CFAP20DC: variants seen among roughly 807,000 people sequenced by gnomAD.
The protein encoded by CFAP20DC is protein CFAP20DC.
Under a neutral mutation model 101.7 loss-of-function variants are expected in CFAP20DC, and 84 were observed. The ratio of observed to expected loss-of-function variants is 0.83; its 90% CI spans 0.69 to 0.99. CFAP20DC has a LOEUF of 0.99. Among genes scored for constraint, CFAP20DC ranks in the 50% least tolerant of loss-of-function variants. CFAP20DC has a pLI of 0.00. For missense variants in CFAP20DC, 1,007 were observed against 970.3 expected (o/e 1.04, Z -0.50); for synonymous variants, 359 against 351.2 (o/e 1.02, Z -0.25).
chr3:58,734,478 C>A, intron 3 of CFAP20DC: 1 of 453,416 alleles, frequency 2.2e-6, no homozygotes, highest in Non-Finnish European at 4.4e-6. Flanking sequence ...TTACCATGTG[C>A]TAAGTGCTTT....
chr3:58,849,809 A>G (rs2078063366), intron 12 of CFAP20DC, among the ~76,000 whole-genome samples: 1 of 152,150 alleles, frequency 6.6e-6, no homozygotes, highest in African/African-American at 2.4e-5. Context: ...AAACAACTAA[A>G]ACTTATGGTA....
downstream of CFAP20DC, among the ~76,000 whole-genome samples, chr3:58,716,285 C>G (rs1421478140): frequency 1.3e-5 from 2 of 151,340 alleles, no homozygotes; most frequent in Non-Finnish European, 3.0e-5. Context: ...CCTCAGCCTC[C>G]CGAGTAGCTG....
At chr3:58,860,181 A>C (rs1050765617) in intron 12 of CFAP20DC, among the ~76,000 whole-genome samples, 3 of 150,964 alleles carry the variant, frequency 2.0e-5, no homozygotes, top group Non-Finnish European at 3.0e-5. Context: ...ATCTCAAAAA[A>C]AAAAAAAAAA....
At chr3:58,891,570 C>CT (rs938201189) in intron 6 of CFAP20DC, among the ~76,000 whole-genome samples, 23 of 152,172 alleles carry the variant, frequency 1.5e-4, no homozygotes, top group African/African-American at 5.5e-4. Flanking sequence ...TGATACTGAG[C>CT]TTTTTTTCAT....
intron 15 of CFAP20DC, among the ~76,000 whole-genome samples, chr3:58,805,663 T>C (rs1339316170): frequency 6.6e-6 from 1 of 152,186 alleles, no homozygotes; most frequent in Non-Finnish European, 1.5e-5. Flanking sequence ...TTTTCAATAA[T>C]TTCCTAATAT....
At chr3:58,767,857 T>C (rs546104600) in intron 15 of CFAP20DC, among the ~76,000 whole-genome samples, 1 of 152,374 alleles carries the variant, frequency 6.6e-6, no homozygotes, top group Non-Finnish European at 1.5e-5. Flanking sequence ...TAATCTATGC[T>C]TGATTACCAT....
At chr3:58,719,621 G>A (rs945248999) in intron 3 of CFAP20DC, among the ~76,000 whole-genome samples, 1 of 152,200 alleles carries the variant, frequency 6.6e-6, no homozygotes, top group Non-Finnish European at 1.5e-5. Flanking sequence ...GGCTGGGCTT[G>A]ATGAACTTGT....
At chr3:58,888,714 C>T (rs2081882003) in intron 6 of CFAP20DC, among the ~76,000 whole-genome samples, 1 of 152,186 alleles carries the variant, frequency 6.6e-6, no homozygotes, top group Admixed American at 6.5e-5. Context: ...GCTCCATGTC[C>T]CTGCAAAGGA....
At chr3:58,720,426 C>T (rs1317672079) in intron 3 of CFAP20DC, among the ~76,000 whole-genome samples, 2 of 152,158 alleles carry the variant, frequency 1.3e-5, no homozygotes. Flanking sequence ...AACATGGTGA[C>T]TCTGAGGACC....
At chr3:58,720,420 T>C (rs1286647687) in intron 3 of CFAP20DC, among the ~76,000 whole-genome samples, 3 of 152,204 alleles carry the variant, frequency 2.0e-5, no homozygotes, top group Admixed American at 1.3e-4. Context: ...TGATATAACA[T>C]GGTGACTCTG....
At chr3:58,984,265 TC>T (rs1369978435) in intron 4 of CFAP20DC, among the ~76,000 whole-genome samples, 1 of 152,242 alleles carries the variant, frequency 6.6e-6, no homozygotes, top group Non-Finnish European at 1.5e-5. Context: ...GCTTCCTATT[TC>T]TTTGTTGTGA....
intron 16 of CFAP20DC, among the ~76,000 whole-genome samples, chr3:58,752,085 A>G (rs1035839700): frequency 1.3e-5 from 2 of 152,292 alleles, no homozygotes; most frequent in African/African-American, 2.4e-5. Context: ...ACACTATCTC[A>G]GCATACTGGT....
intron 4 of CFAP20DC, among the ~76,000 whole-genome samples, chr3:58,998,473 T>C (rs547530189): frequency 6.6e-6 from 1 of 152,298 alleles, no homozygotes; most frequent in East Asian, 1.9e-4. Flanking sequence ...ACAAAACAAC[T>C]GATGCTTTAC....
chr3:58,838,477 G>A (rs1033821919), intron 13 of CFAP20DC, among the ~76,000 whole-genome samples: 2 of 152,188 alleles, frequency 1.3e-5, no homozygotes, highest in African/African-American at 4.8e-5. Flanking sequence ...GTCTCAGGTA[G>A]AAGATTCTTG....
intron 6 of CFAP20DC, among the ~76,000 whole-genome samples, chr3:58,910,698 C>T (rs141881719): frequency 0.011 from 1,598 of 152,110 alleles, 34 homozygotes; most frequent in African/African-American, 0.037. Flanking sequence ...TTTCTGGAAT[C>T]CTTTTACTCT....
intron 13 of CFAP20DC, among the ~76,000 whole-genome samples, chr3:58,841,134 A>G (rs916778937): frequency 2.0e-5 from 3 of 152,238 alleles, no homozygotes; most frequent in African/African-American, 7.2e-5. Flanking sequence ...CCCTAAGTGA[A>G]CCTGCACAGT....
In CFAP20DC at chr3:58,849,241, C is replaced by T. The variant is rs1412991801; in HGVS notation, c.1762G>A (p.Glu588Lys). ...GATESQDSSM[E>K]QIDRNNFEMS... ...TCAAAGTTATTTCTATCTATTTGCT[C>T]CATCGAGGAATCCTGGCTTTCTGTT... Residue 588 changes from glutamate (E) to lysine (K), a missense_variant, in exon 13 of 17, where the codon GAG (glutamate) becomes AAG (lysine). Coordinates refer to ENST00000482387, the MANE Select transcript of CFAP20DC (RefSeq NM_001394063.1). 1.3e-6 allele frequency: 2 copies of T among 1,536,044 alleles called. No individual in the cohort carries two copies. Among genetic ancestry groups the T allele is most frequent in the Admixed American group, 2.0e-5 (1 of 50,992 alleles).
intron 14 of CFAP20DC, among the ~76,000 whole-genome samples, chr3:58,823,167 A>G (rs2075807196): frequency 1.3e-5 from 2 of 152,056 alleles, no homozygotes; most frequent in African/African-American, 4.8e-5. Flanking sequence ...ACATGAAATA[A>G]ATTTGTATGT....
rs1443656935 is a variant in CFAP20DC, at chr3:58,859,072, C to T, written c.1593+4486G>A. Among the ~76,000 whole-genome samples, 1 of 150,786 alleles carries T rather than the reference C, an allele frequency of 6.6e-6. No individual in the cohort carries two copies. Among genetic ancestry groups the T allele is most frequent in the Non-Finnish European group, 1.5e-5 (1 of 67,808 alleles). On this transcript the variant is annotated intron_variant, in intron 12 of 16. Coordinates refer to ENST00000482387, the MANE Select transcript of CFAP20DC (RefSeq NM_001394063.1). This position sits in a 1 kb window ranked among gnomAD's most constrained non-coding sequence, Gnocchi z 4.1. The stretch of plus-strand genomic sequence containing the variant: ...AATGATGAAAGTAATACAATTTCCT[C>T]TGGGTGACAAAGATAAGTGATAGTT...
Sources: gnomAD v4.1 joint callset for allele counts (sites outside exome capture counted in the v4.1 genomes callset) on GRCh38, gnomAD v4.1.1 for gene constraint, Gnocchi (gnomAD v3.1) non-coding constraint, MANE v1.5 for transcripts, NCBI Gene and HGNC (gene_info 2026-07-23, HGNC 2026-07-21) for gene names.